Variants in FRMPD4 observed in about 807,000 individuals in gnomAD.
FRMPD4 encodes FERM and PDZ domain-containing protein 4.
In FRMPD4, 22 loss-of-function variants were observed where a neutral mutation model predicts 94.1. The observed-to-expected ratio is 0.23, with a 90% CI of 0.17 to 0.33. FRMPD4 has a LOEUF of 0.33. FRMPD4 is among the 10% of genes least tolerant of loss of function. The pLI, the probability that FRMPD4 is intolerant of heterozygous loss-of-function variation, is 1.00. For synonymous variants in FRMPD4, 631 were observed against 548.6 expected (o/e 1.15, Z -2.10); for missense variants, 1,111 against 1,339.9 (o/e 0.83, Z 2.67).
intron 3 of FRMPD4, among the ~76,000 whole-genome samples, chrX:12,118,673 G>T (rs1005496001): frequency 9.0e-5 from 10 of 111,667 alleles, no homozygotes; most frequent in Non-Finnish European, 1.5e-4. Flanking sequence ...GGTGAAGATG[G>T]CCTTTGGCTG....
At chrX:12,042,272 A>G (rs2054760401) in intron 3 of FRMPD4, among the ~76,000 whole-genome samples, 1 of 106,309 alleles carries the variant, frequency 9.4e-6, no homozygotes, top group African/African-American at 3.5e-5. Context: ...TGCATGTCTC[A>G]TAAGTCTTTG....
At chrX:12,539,004 G>A (rs1178269933) in intron 2 of FRMPD4, among the ~76,000 whole-genome samples, 1 of 111,846 alleles carries the variant, frequency 8.9e-6, no homozygotes, top group Non-Finnish European at 1.9e-5. Flanking sequence ...AAAGGAGGAA[G>A]TTCAAACCCA....
At chrX:12,347,950 T>A (rs1266132259) in intron 1 of FRMPD4, among the ~76,000 whole-genome samples, 2 of 112,094 alleles carry the variant, frequency 1.8e-5, no homozygotes, top group Non-Finnish European at 3.8e-5. Context: ...TACCATCAAT[T>A]TTCATTTGAA....
chrX:11,979,459 T>C (rs945044618), intron 3 of FRMPD4, among the ~76,000 whole-genome samples: 2 of 112,346 alleles, frequency 1.8e-5, no homozygotes, highest in African/African-American at 6.5e-5. Context: ...AACTAATTAA[T>C]GCCAAGTAGC....
At chrX:11,897,149 A>C (rs6639098) in intron 3 of FRMPD4, among the ~76,000 whole-genome samples, 1 of 102,597 alleles carries the variant, frequency 9.7e-6, no homozygotes, top group Non-Finnish European at 2.0e-5. Context: ...TGGATGAATT[A>C]CAAAAAAAAA....
chrX:12,003,684 C>T (rs1453310649), intron 3 of FRMPD4, among the ~76,000 whole-genome samples: 1 of 112,259 alleles, frequency 8.9e-6, no homozygotes, highest in Non-Finnish European at 1.9e-5. Context: ...GGATTACAGG[C>T]ATGAGCCACC....
chrX:11,853,651 A>T (rs923289435), intron 1 of FRMPD4, among the ~76,000 whole-genome samples: 1 of 111,551 alleles, frequency 9.0e-6, no homozygotes, highest in Non-Finnish European at 1.9e-5. Context: ...ATACCTGGAC[A>T]CTTACACCCT....
At chrX:12,007,794 T>C (rs751690115) in intron 3 of FRMPD4, among the ~76,000 whole-genome samples, 1 of 112,499 alleles carries the variant, frequency 8.9e-6, no homozygotes, top group Admixed American at 9.4e-5. Flanking sequence ...CTCGGTCCTC[T>C]ATATCCCCAC....
At chrX:12,290,481 C>T (rs112605158) in intron 1 of FRMPD4, among the ~76,000 whole-genome samples, 1,203 of 111,989 alleles carry the variant, frequency 0.011, 13 homozygotes, top group African/African-American at 0.037. Context: ...TCTAAAGTGC[C>T]TAGTGCAGTT....
At chrX:12,470,914 C>T (rs2057504452) in intron 1 of FRMPD4, among the ~76,000 whole-genome samples, 1 of 111,996 alleles carries the variant, frequency 8.9e-6, no homozygotes, top group South Asian at 3.7e-4. Context: ...TTACCTCTCT[C>T]ATATGTGTGT....
intron 3 of FRMPD4, among the ~76,000 whole-genome samples, chrX:11,941,854 A>C (rs769195976): frequency 2.1e-4 from 23 of 112,003 alleles, no homozygotes; most frequent in Non-Finnish European, 3.8e-4. Flanking sequence ...CCTTCCTCCC[A>C]AGGCAACACT....
chrX:12,679,316 T>TA (rs1439309503), intron 5 of FRMPD4, among the ~76,000 whole-genome samples: 1 of 111,579 alleles, frequency 9.0e-6, no homozygotes, highest in Non-Finnish European at 1.9e-5. Context: ...AAGTTTTTTT[T>TA]ATACTCACAG....
chrX:12,122,222 CCT>C (rs139957874), intron 3 of FRMPD4, among the ~76,000 whole-genome samples: 7,460 of 111,160 alleles, frequency 0.067, 217 homozygotes, highest in Non-Finnish European at 0.086. Context: ...GTAATATCCC[CCT>C]TAGCAATGTA....
At chrX:11,998,313 G>A (rs1431246582) in intron 3 of FRMPD4, among the ~76,000 whole-genome samples, 1 of 112,086 alleles carries the variant, frequency 8.9e-6, no homozygotes, top group Non-Finnish European at 1.9e-5. Context: ...TCCCTTTCAT[G>A]TGTGGACTGA....
chrX:12,666,922 T>C (rs1205479093), intron 4 of FRMPD4, among the ~76,000 whole-genome samples: 1 of 111,924 alleles, frequency 8.9e-6, no homozygotes, highest in East Asian at 2.8e-4. Context: ...AGACAAGAAA[T>C]AACTAAGAAT....
At chrX:11,890,392 T>C (rs746970598) in intron 3 of FRMPD4, among the ~76,000 whole-genome samples, 96 of 111,375 alleles carry the variant, frequency 8.6e-4, no homozygotes, top group African/African-American at 2.8e-3. Context: ...TGAATGCACA[T>C]TAAAGTGTGC....
chrX:12,520,520 TAA>T (rs1211150178), intron 2 of FRMPD4, among the ~76,000 whole-genome samples: 1 of 105,914 alleles, frequency 9.4e-6, no homozygotes. Context: ...TCCCCACAGT[TAA>T]AAAAAAAAAT....
chrX:11,887,293 C>A (rs997631001), intron 3 of FRMPD4, among the ~76,000 whole-genome samples: 2 of 111,610 alleles, frequency 1.8e-5, no homozygotes, highest in Non-Finnish European at 3.8e-5. Context: ...GATAGGTAAG[C>A]AACAACAAAG....
intron 3 of FRMPD4, among the ~76,000 whole-genome samples, chrX:11,948,952 C>T (rs755683898): frequency 2.7e-5 from 3 of 111,802 alleles, no homozygotes; most frequent in Admixed American, 9.5e-5. Context: ...TATATCCTTA[C>T]ATTTTCCCTG....
Sources: gnomAD v4.1 joint callset for allele counts (sites outside exome capture counted in the v4.1 genomes callset) on GRCh38, gnomAD v4.1.1 for gene constraint, MANE v1.5 for transcripts, NCBI Gene and HGNC (gene_info 2026-07-23, HGNC 2026-07-21) for gene names.